Variants in PIK3R3 observed in about 807,000 individuals in gnomAD.
PIK3R3 encodes phosphoinositide-3-kinase regulatory subunit 3.
In PIK3R3, 64 loss-of-function variants were observed where a neutral mutation model predicts 62.9. The ratio of observed to expected loss-of-function variants is 1.02; its 90% confidence interval spans 0.83 to 1.25. The LOEUF (loss-of-function observed/expected upper bound fraction) is 1.25. PIK3R3 is among the 50% of genes most tolerant of loss of function. The probability of loss-of-function intolerance (pLI) is 0.00; values close to 1 mark genes in which losing one functional copy is unlikely to be tolerated. For missense variants in PIK3R3, 614 were observed against 561.6 expected (o/e 1.09, Z -0.94); for synonymous variants, 165 against 189.0 (o/e 0.87, Z 1.04).
intron 1 of PIK3R3, among the ~76,000 whole-genome samples, chr1:46,102,697 T>C (rs1161050915): frequency 3.3e-5 from 5 of 150,452 alleles, no homozygotes; most frequent in African/African-American, 7.3e-5. Flanking sequence ...GTTGGTGAGA[T>C]TGTAAAATGG....
At chr1:46,097,606 G>T (rs753934050) in intron 1 of PIK3R3, among the ~76,000 whole-genome samples, 1 of 151,586 alleles carries the variant, frequency 6.6e-6, no homozygotes, top group Non-Finnish European at 1.5e-5. Flanking sequence ...TCTAGCCAGG[G>T]GCTGGGCGTG....
chr1:46,043,045 A>T lies in PIK3R3; in HGVS notation c.*628T>A, dbSNP rs1182197568. On this transcript the variant is annotated 3_prime_UTR_variant, in exon 10 of 10. Transcript: ENST00000262741. ...GCTTCTGAACATAATACTTCTTCAG[A>T]GGGAGGGGCTGGTGAGATGCTGAAG... The T allele has an allele frequency of 4.4e-6, 1 of 225,804 alleles. No homozygotes were observed. The highest frequency in any genetic ancestry group is 8.8e-6 in the Non-Finnish European group (1 of 113,178). The allele number at this position is 225,804 out of a possible 1,614,324, so 14.0% of individuals were successfully genotyped here.
At position 46,086,104 on chromosome 1, in the gene PIK3R3, T is replaced by C. The variant is rs115671011; in HGVS notation, c.107-5354A>G. Among the ~76,000 whole-genome samples the C allele has an allele frequency of 3.2e-3, 490 of 152,326 alleles. 3 individuals carry two copies. The highest frequency in any genetic ancestry group is 0.011 in the African/African-American group (457 of 41,564). ...ATATTTTCAATTCCGTTTTAATTAA[T>C]ATGTAGCTATATGAAGAAACATAGA... On this transcript the variant is annotated intron_variant, in intron 1 of 9. Transcript: ENST00000262741.
rs1050193819 is a variant in PIK3R3, at chr1:46,132,621, G to A, written c.-669C>T. ...ACCCGACCGCACCAACTGCCCTCAA[G>A]CTCTGCCCGGACTCCAGCCACTAGA... is the stretch of plus-strand genomic sequence containing the variant. On this transcript the variant is annotated 5_prime_UTR_variant, in exon 1 of 10. Coordinates refer to ENST00000262741, the MANE Select transcript of PIK3R3 (RefSeq NM_003629.4). The A allele has an allele frequency of 1.5e-5, 19 of 1,289,670 alleles. No individual in the cohort carries two copies. The Admixed American group carries it at 2.8e-4, about 19-fold the overall frequency. 79.9% of individuals were successfully genotyped at this position (1,289,670 alleles called of 1,614,324 possible).
chr1:46,114,390 G>A (rs1055841885), intron 1 of PIK3R3, among the ~76,000 whole-genome samples: 5 of 152,100 alleles, frequency 3.3e-5, no homozygotes, highest in Non-Finnish European at 7.4e-5. Context: ...ACATCTTACC[G>A]CCTCCCCTCA....
At chr1:46,077,757 G>T (rs1480960730) in intron 2 of PIK3R3, 144 bp from the exon 3 acceptor site, 2 of 581,782 alleles carry the variant, frequency 3.4e-6, no homozygotes, top group South Asian at 4.1e-5. Context: ...CCATTTAGAG[G>T]TCATTTAGTT....
intron 2 of PIK3R3, among the ~76,000 whole-genome samples, chr1:46,078,510 C>A (rs1250111090): frequency 2.0e-5 from 3 of 152,078 alleles, no homozygotes; most frequent in Admixed American, 6.6e-5. Context: ...CCACTGCACG[C>A]CAGCCTGGGG....
At chr1:46,160,763 C>T in the PIK3R3 span, among the ~76,000 whole-genome samples, 2 of 152,338 alleles carry the variant, frequency 1.3e-5, no homozygotes, top group South Asian at 4.1e-4. Context: ...AAATGCCCAT[C>T]ACTAAACCAA....
the PIK3R3 span, among the ~76,000 whole-genome samples, chr1:46,159,405 A>T: frequency 6.6e-6 from 1 of 152,206 alleles, no homozygotes; most frequent in East Asian, 1.9e-4. Context: ...AATACCTTTC[A>T]TCATAGGAAG....
At chr1:46,089,018 A>C (rs1282920826) in intron 1 of PIK3R3, among the ~76,000 whole-genome samples, 2 of 152,232 alleles carry the variant, frequency 1.3e-5, no homozygotes, top group Non-Finnish European at 2.9e-5. Context: ...ATATCCTGCC[A>C]AATTATCAAT....
intron 7 of PIK3R3, among the ~76,000 whole-genome samples, chr1:46,050,909 T>C (rs901364458): frequency 2.0e-5 from 3 of 152,170 alleles, no homozygotes; most frequent in African/African-American, 4.8e-5. Context: ...CAGACAAACT[T>C]TGAAAACACC....
chr1:46,079,684 T>C (rs1353421606), intron 2 of PIK3R3, among the ~76,000 whole-genome samples: 1 of 152,210 alleles, frequency 6.6e-6, no homozygotes, highest in Non-Finnish European at 1.5e-5. Flanking sequence ...CCAGGTGCAG[T>C]GGCTTACACC....
At chr1:46,087,116 G>GTT (rs1557595836) in intron 1 of PIK3R3, among the ~76,000 whole-genome samples, 1 of 152,154 alleles carries the variant, frequency 6.6e-6, no homozygotes, top group Non-Finnish European at 1.5e-5. Context: ...AGGGCCCGTC[G>GTT]TGTGTGGGGG....
the PIK3R3 span, among the ~76,000 whole-genome samples, chr1:46,140,842 G>GT: frequency 6.6e-6 from 1 of 151,530 alleles, no homozygotes; most frequent in East Asian, 1.9e-4. Flanking sequence ...TTTGTTTTTT[G>GT]TTTTTTTGTT....
At chr1:46,088,148 G>T (rs546624718) in intron 1 of PIK3R3, among the ~76,000 whole-genome samples, 1 of 152,316 alleles carries the variant, frequency 6.6e-6, no homozygotes, top group East Asian at 1.9e-4. Context: ...ATTCTGGGAG[G>T]CCAAGACAGG....
chr1:46,152,380 C>A, the PIK3R3 span, among the ~76,000 whole-genome samples: 1 of 152,086 alleles, frequency 6.6e-6, no homozygotes, highest in Non-Finnish European at 1.5e-5. Flanking sequence ...ATACCCTCAA[C>A]TTTCAGATCC....
At chr1:46,046,481 C>T (rs965818913) in intron 8 of PIK3R3, 70 bp downstream of exon 8, 30 of 985,898 alleles carry the variant, frequency 3.0e-5, no homozygotes, top group African/African-American at 2.1e-4. Context: ...ATATTTACCA[C>T]GTATAAACAA....
chr1:46,136,029 CAAAA>C (rs552872602), upstream of PIK3R3, among the ~76,000 whole-genome samples: 2 of 43,284 alleles, frequency 4.6e-5, no homozygotes, highest in Non-Finnish European at 1.0e-4. Context: ...GACTCAGTCT[CAAAA>C]AAAAAAAAAA....
intron 1 of PIK3R3, among the ~76,000 whole-genome samples, chr1:46,131,119 T>G (rs1000014672): frequency 6.6e-6 from 1 of 152,234 alleles, no homozygotes; most frequent in Non-Finnish European, 1.5e-5. Flanking sequence ...TTTTGCTTTT[T>G]CTTTATTCTA....
Sources: allele counts gnomAD v4.1 joint callset (sites outside exome capture counted in the v4.1 genomes callset), GRCh38; gene constraint gnomAD v4.1.1; transcripts MANE v1.5; gene names NCBI Gene and HGNC (gene_info 2026-07-23, HGNC 2026-07-21).